GRIK4: variants seen among roughly 807,000 people sequenced by gnomAD.
The protein encoded by GRIK4 is glutamate receptor ionotropic, kainate 4.
Under a neutral mutation model 104.9 loss-of-function variants are expected in GRIK4, and 40 were observed. The observed-to-expected ratio is 0.38, with a 90% CI of 0.30 to 0.50. The LOEUF (loss-of-function observed/expected upper bound fraction) is 0.50. GRIK4 is among the 20% of genes least tolerant of loss of function. GRIK4 has a pLI of 0.93. For missense variants in GRIK4, 1,047 were observed against 1,308.1 expected (o/e 0.80, Z 3.08); for synonymous variants, 485 against 524.9 (o/e 0.92, Z 1.04).
rs112577893 is a variant in GRIK4, at chr11:120,917,116, G to A, written c.1476+11623G>A. On this transcript the variant is annotated intron_variant, in intron 13 of 20. Transcript: ENST00000527524. The stretch of plus-strand genomic sequence containing the variant: ...ACAAAAATTAGCTGGGCATGGTGGC[G>A]CATGCCTCTAATCCCAGCTACTCAG... 3.1e-3 allele frequency among the ~76,000 whole-genome samples: 474 copies of A among 151,878 alleles called. 1 individual carries two copies. Among genetic ancestry groups the A allele is most frequent in the Non-Finnish European group, 5.0e-3 (338 of 67,906 alleles).
At chr11:120,657,403 C>T (rs1277974060) in intron 2 of GRIK4, among the ~76,000 whole-genome samples, 1 of 152,248 alleles carries the variant, frequency 6.6e-6, no homozygotes, top group Non-Finnish European at 1.5e-5. Context: ...GATTTGCCAA[C>T]AGCGGAGTTG....
chr11:120,935,615 C>A (rs1371035349), intron 13 of GRIK4, among the ~76,000 whole-genome samples: 1 of 152,126 alleles, frequency 6.6e-6, no homozygotes, highest in Non-Finnish European at 1.5e-5. Context: ...GAATGTCAAC[C>A]AAACAGCTGC....
chr11:120,533,106 G>A (rs1045255567), intron 1 of GRIK4, among the ~76,000 whole-genome samples: 1 of 152,144 alleles, frequency 6.6e-6, no homozygotes, highest in Non-Finnish European at 1.5e-5. Context: ...CAGCATGGAA[G>A]GCTTCCTGGA....
At chr11:120,733,935 A>T (rs1263795259) in intron 3 of GRIK4, among the ~76,000 whole-genome samples, 7 of 152,042 alleles carry the variant, frequency 4.6e-5, no homozygotes, top group African/African-American at 7.2e-5. Context: ...ACGGGGTTTC[A>T]TCATGTTGGC....
chr11:120,954,660 G>A (rs1944091683), intron 15 of GRIK4, among the ~76,000 whole-genome samples: 1 of 151,924 alleles, frequency 6.6e-6, no homozygotes, highest in South Asian at 2.1e-4. Context: ...CAGCCCTGGG[G>A]TGTTACGCTG....
At chr11:120,565,350 AGCT>A (rs1948307937) in intron 1 of GRIK4, among the ~76,000 whole-genome samples, 1 of 152,234 alleles carries the variant, frequency 6.6e-6, no homozygotes, top group Non-Finnish European at 1.5e-5. Context: ...CTTTCCAGTG[AGCT>A]GCTGCATCCT....
chr11:120,680,171 A>G (rs950766797), intron 3 of GRIK4, among the ~76,000 whole-genome samples: 1 of 152,132 alleles, frequency 6.6e-6, no homozygotes, highest in Non-Finnish European at 1.5e-5. Flanking sequence ...GCCACCTCCC[A>G]GGCTCAAGTG....
intron 3 of GRIK4, 66 bp downstream of exon 3, chr11:120,660,466 G>A (rs1216286754): frequency 8.0e-7 from 1 of 1,256,818 alleles, no homozygotes; most frequent in African/African-American, 1.5e-5. Context: ...AGGGACATGA[G>A]AGTGCTGCAC....
chr11:120,875,045 G>A, intron 10 of GRIK4, 94 bp from the exon 11 acceptor site: 5 of 796,122 alleles, frequency 6.3e-6, no homozygotes, highest in South Asian at 4.3e-5. Context: ...GCCTCTTCTG[G>A]GCATCCTTAA....
chr11:120,625,047 G>A (rs1949240490), intron 1 of GRIK4, among the ~76,000 whole-genome samples: 1 of 152,220 alleles, frequency 6.6e-6, no homozygotes, highest in Non-Finnish European at 1.5e-5. Context: ...ACTTTGGGAG[G>A]CTAAGGTAGG....
chr11:120,986,162 T>TGCC lies in GRIK4; in HGVS notation c.2779_2781dup (p.Arg927dup). The TGCC allele has an allele frequency of 6.5e-7, 1 of 1,547,610 alleles. No individual in the cohort carries two copies. The highest frequency in any genetic ancestry group is 8.6e-7 in the Non-Finnish European group (1 of 1,156,104). On this transcript the variant is annotated inframe_insertion, in exon 21 of 21. Transcript: ENST00000527524. ...CACGCACATCCGCGTCTGCCCCGAG[T>TGCC]GCCGCCGCTTCCAGGGCCTGCGGGC...
intron 3 of GRIK4, among the ~76,000 whole-genome samples, chr11:120,794,867 T>C (rs1396195413): frequency 6.6e-6 from 1 of 151,838 alleles, no homozygotes; most frequent in Non-Finnish European, 1.5e-5. Context: ...AAGGCATGAG[T>C]TGGCGGCGGG....
chr11:120,724,315 G>T (rs576836711), intron 3 of GRIK4, among the ~76,000 whole-genome samples: 16 of 152,212 alleles, frequency 1.1e-4, no homozygotes, highest in African/African-American at 3.9e-4. Context: ...CACCCAGCCT[G>T]TTCGTTTTTA....
At chr11:120,938,460 G>T (rs2134635339) in intron 13 of GRIK4, among the ~76,000 whole-genome samples, 1 of 152,294 alleles carries the variant, frequency 6.6e-6, no homozygotes, top group East Asian at 1.9e-4. Flanking sequence ...AGCTGTGCTG[G>T]ATCGTGTGAC....
At chr11:120,966,784 C>T (rs1172320556) in intron 18 of GRIK4, among the ~76,000 whole-genome samples, 2 of 152,132 alleles carry the variant, frequency 1.3e-5, no homozygotes, top group African/African-American at 4.8e-5. Flanking sequence ...TTGCAGCCAG[C>T]GTCCTGTGTG....
intron 1 of GRIK4, among the ~76,000 whole-genome samples, chr11:120,644,059 G>GAGAGAGGA (rs796173721): frequency 1.1e-3 from 139 of 121,118 alleles, no homozygotes; most frequent in African/African-American, 4.0e-3. Context: ...GAGAGAGAGA[G>GAGAGAGGA]GAGAGAGAGA....
intron 3 of GRIK4, among the ~76,000 whole-genome samples, chr11:120,684,463 T>G (rs931528564): frequency 2.0e-5 from 3 of 152,228 alleles, no homozygotes; most frequent in African/African-American, 7.2e-5. Context: ...ATTGACATTA[T>G]TTGATCCCTA....
At chr11:120,525,578 T>G (rs541184661) in intron 1 of GRIK4, among the ~76,000 whole-genome samples, 1 of 152,198 alleles carries the variant, frequency 6.6e-6, no homozygotes, top group South Asian at 2.1e-4. Context: ...ACAGAAACCA[T>G]AGCAGGCAGT....
intron 19 of GRIK4, among the ~76,000 whole-genome samples, chr11:120,980,229 G>C (rs1173714067): frequency 6.6e-6 from 1 of 152,204 alleles, no homozygotes; most frequent in Non-Finnish European, 1.5e-5. Flanking sequence ...CCAGTTACCT[G>C]AGCAGGTGGC....
Sources: allele counts gnomAD v4.1 joint callset (sites outside exome capture counted in the v4.1 genomes callset), GRCh38; gene constraint gnomAD v4.1.1; transcripts MANE v1.5; gene names NCBI Gene and HGNC (gene_info 2026-07-23, HGNC 2026-07-21).